The following GOLM2 variants were observed in gnomAD, a reference collection of about 807,000 sequenced individuals.
The protein encoded by GOLM2 is protein GOLM2.
In GOLM2, 26 loss-of-function variants were observed where a neutral mutation model predicts 55.9. The ratio of observed to expected loss-of-function variants is 0.47; its 90% CI spans 0.34 to 0.65. The LOEUF is 0.65. Ranked by LOEUF, GOLM2 falls within the 30% of genes least tolerant of loss-of-function variation. The probability of loss-of-function intolerance (pLI) is 0.01; values close to 1 mark genes in which losing one functional copy is unlikely to be tolerated. For missense variants in GOLM2, 486 were observed against 531.8 expected (o/e 0.91, Z 0.85); for synonymous variants, 165 against 194.6 (o/e 0.85, Z 1.27).
Position 44,292,388 on chromosome 15 carries a change from G to C in GOLM2, c.327+3032G>C, listed in dbSNP as rs139047717. Reference sequence around the variant, plus strand: ...ATTTTTTGTATTTTTAGTAGAGATGGGGTTTCACCATGTTAGCCAAGATGG... The same window carrying C: ...ATTTTTTGTATTTTTAGTAGAGATGCGGTTTCACCATGTTAGCCAAGATGG... On this transcript the variant is annotated intron_variant, in intron 1 of 9. Coordinates refer to ENST00000299957, the MANE Select transcript of GOLM2 (RefSeq NM_138423.4). 4.4e-3 allele frequency among the ~76,000 whole-genome samples: 661 copies of C among 151,854 alleles called. 4 individuals carry two copies. Among genetic ancestry groups the C allele is most frequent in the African/African-American group, 0.015 (641 of 41,422 alleles).
chr15:44,322,664 G>A (rs2091822049), intron 1 of GOLM2, among the ~76,000 whole-genome samples: 2 of 152,102 alleles, frequency 1.3e-5, no homozygotes, highest in African/African-American at 4.8e-5. Flanking sequence ...CTGGCTCCTA[G>A]AAGACAGTGA....
chr15:44,304,596 T>G (rs2078823484), intron 1 of GOLM2, among the ~76,000 whole-genome samples: 1 of 151,778 alleles, frequency 6.6e-6, no homozygotes, highest in Non-Finnish European at 1.5e-5. Flanking sequence ...ACTCAGTCAC[T>G]TAGGCTGAAT....
At chr15:44,322,410 G>A (rs972514007) in intron 1 of GOLM2, among the ~76,000 whole-genome samples, 3 of 152,116 alleles carry the variant, frequency 2.0e-5, no homozygotes, top group African/African-American at 7.2e-5. Context: ...TGATTAATGT[G>A]AATCTGCCTG....
intron 4 of GOLM2, among the ~76,000 whole-genome samples, chr15:44,336,743 C>T (rs182953283): frequency 1.2e-3 from 188 of 151,810 alleles, no homozygotes; most frequent in Non-Finnish European, 2.0e-3. Flanking sequence ...AGTGAAACCC[C>T]GTCTCTACTA....
intron 8 of GOLM2, among the ~76,000 whole-genome samples, chr15:44,383,917 G>A (rs1419841605): frequency 6.6e-6 from 1 of 151,938 alleles, no homozygotes; most frequent in East Asian, 1.9e-4. Flanking sequence ...GTGCTCATGT[G>A]ATCCTCCCAT....
chr15:44,390,742 T>C (rs191440223), intron 8 of GOLM2, among the ~76,000 whole-genome samples: 2 of 152,126 alleles, frequency 1.3e-5, no homozygotes, highest in East Asian at 1.9e-4. Context: ...GCTAATGTTA[T>C]ATTTTTAGTA....
intron 1 of GOLM2, among the ~76,000 whole-genome samples, chr15:44,310,454 C>CTCTCTA (rs1187338800): frequency 7.0e-6 from 1 of 142,604 alleles, no homozygotes; most frequent in African/African-American, 2.6e-5. Flanking sequence ...CTCTCTCTCT[C>CTCTCTA]TATATATATA....
At chr15:44,298,715 G>A (rs2078775670) in intron 1 of GOLM2, among the ~76,000 whole-genome samples, 1 of 152,154 alleles carries the variant, frequency 6.6e-6, no homozygotes, top group South Asian at 2.1e-4. Context: ...GAAGGACTAT[G>A]TTTTAAATTT....
At chr15:44,337,235 A>C (rs1328947991) in intron 4 of GOLM2, among the ~76,000 whole-genome samples, 1 of 151,854 alleles carries the variant, frequency 6.6e-6, no homozygotes, top group Admixed American at 6.6e-5. Flanking sequence ...AACAGGTTAG[A>C]GGAAGCACTG....
intron 1 of GOLM2, among the ~76,000 whole-genome samples, chr15:44,316,583 G>A (rs918305979): frequency 2.0e-5 from 3 of 151,750 alleles, no homozygotes; most frequent in Non-Finnish European, 2.9e-5. Flanking sequence ...GTGAAACCCC[G>A]TCTCTACTAA....
intron 6 of GOLM2, among the ~76,000 whole-genome samples, chr15:44,358,689 A>G (rs1023589889): frequency 6.6e-6 from 1 of 152,232 alleles, no homozygotes. Flanking sequence ...TATACCCTCC[A>G]CAAAAATTAA....
At chr15:44,294,463 C>T (rs1284928187) in intron 1 of GOLM2, among the ~76,000 whole-genome samples, 2 of 151,980 alleles carry the variant, frequency 1.3e-5, no homozygotes, top group Non-Finnish European at 2.9e-5. Context: ...GCCTGTAATC[C>T]CAGCACTTTG....
Position 44,289,660 on chromosome 15 carries a change from C to A in GOLM2, c.327+304C>A, listed in dbSNP as rs1407335815. Among the ~76,000 whole-genome samples, 13 of 152,192 alleles carry A rather than the reference C, an allele frequency of 8.5e-5. No homozygotes were observed. Among genetic ancestry groups the A allele is most frequent in the Admixed American group, 8.5e-4 (13 of 15,284 alleles). On this transcript the variant is annotated intron_variant, in intron 1 of 9. Coordinates refer to ENST00000299957, the MANE Select transcript of GOLM2 (RefSeq NM_138423.4). This position sits in a 1 kb window ranked among gnomAD's most constrained non-coding sequence, Gnocchi z 4.8. ...AGTAGTAATCATCTGGCCTGTGTGG[C>A]CCCCTTACCTTCAAAGACACACAAA...
intron 9 of GOLM2, chr15:44,406,850 C>T (rs568695302): frequency 4.6e-5 from 7 of 152,060 alleles, no homozygotes; most frequent in African/African-American, 1.4e-4. Context: ...TATACTTTGG[C>T]TTTGGTCTCC....
intron 1 of GOLM2, among the ~76,000 whole-genome samples, chr15:44,296,261 A>G (rs1297939173): frequency 6.6e-6 from 1 of 152,182 alleles, no homozygotes; most frequent in East Asian, 1.9e-4. Flanking sequence ...TACTAAAGCT[A>G]TGTGGTCCAG....
chr15:44,409,570 A>G (rs1212472801), intron 9 of GOLM2: 1 of 119,340 alleles, frequency 8.4e-6, no homozygotes, highest in African/African-American at 3.2e-5. Flanking sequence ...AGGCTCGGCT[A>G]CAACAGCAAG....
intron 7 of GOLM2, among the ~76,000 whole-genome samples, chr15:44,380,592 A>G (rs1180391794): frequency 6.6e-6 from 1 of 151,884 alleles, no homozygotes; most frequent in Non-Finnish European, 1.5e-5. Context: ...TCACCTGGGA[A>G]TGATCAGTAA....
chr15:44,372,488 G>A (rs2079335109), intron 6 of GOLM2, among the ~76,000 whole-genome samples: 1 of 152,160 alleles, frequency 6.6e-6, no homozygotes, highest in Non-Finnish European at 1.5e-5. Flanking sequence ...AGAAGTAGAG[G>A]ACGATTAATC....
At chr15:44,336,926 A>G (rs942253797) in intron 4 of GOLM2, among the ~76,000 whole-genome samples, 4 of 152,120 alleles carry the variant, frequency 2.6e-5, no homozygotes, top group African/African-American at 9.7e-5. Context: ...AGAAATAAAT[A>G]ATAATAAAAA....
Sources: gnomAD v4.1 joint callset for allele counts (sites outside exome capture counted in the v4.1 genomes callset) on GRCh38, gnomAD v4.1.1 for gene constraint, Gnocchi (gnomAD v3.1) non-coding constraint, MANE v1.5 for transcripts, NCBI Gene and HGNC (gene_info 2026-07-23, HGNC 2026-07-21) for gene names.